TCF7L2: variants seen among roughly 807,000 people sequenced by gnomAD.
TCF7L2 encodes the protein transcription factor 7 like 2.
Under a neutral mutation model 77.9 loss-of-function variants are expected in TCF7L2, and 23 were observed. That is an observed-to-expected ratio of 0.30 (90% CI 0.21 to 0.42). The LOEUF is 0.42. Ranked by LOEUF, TCF7L2 falls within the 10% of genes least tolerant of loss-of-function variation. The pLI, the probability that TCF7L2 is intolerant of heterozygous loss-of-function variation, is 1.00. For missense variants in TCF7L2, 654 were observed against 793.1 expected, an observed-to-expected ratio of 0.82 and a Z score of 2.11; for synonymous variants, 413 against 340.2, an observed-to-expected ratio of 1.21 and a Z score of -2.36.
intron 5 of TCF7L2, among the ~76,000 whole-genome samples, chr10:113,104,566 A>G (rs1031854330): frequency 6.6e-6 from 1 of 152,200 alleles, no homozygotes; most frequent in Non-Finnish European, 1.5e-5. Context: ...TGGTGGTACC[A>G]TAGTGTCATA....
At chr10:112,983,021 T>A (rs536743989) in intron 4 of TCF7L2, among the ~76,000 whole-genome samples, 1 of 152,274 alleles carries the variant, frequency 6.6e-6, no homozygotes, top group East Asian at 1.9e-4. Context: ...GGGGGTGAGA[T>A]GGGACTTATA....
chr10:112,997,582 C>T (rs1321456252), intron 4 of TCF7L2, among the ~76,000 whole-genome samples: 5 of 152,198 alleles, frequency 3.3e-5, no homozygotes, highest in African/African-American at 4.8e-5. Flanking sequence ...GCTGCCTTTT[C>T]GTGAAAGGGT....
At chr10:113,056,582 G>A (rs2134720498) in intron 5 of TCF7L2, among the ~76,000 whole-genome samples, 1 of 152,240 alleles carries the variant, frequency 6.6e-6, no homozygotes, top group South Asian at 2.1e-4. Context: ...TGGGGAGAGG[G>A]GGCAAGAAGT....
At position 113,063,732 on chromosome 10, in the gene TCF7L2, G is replaced by A. The variant is rs528729476; in HGVS notation, c.552+23606G>A. 2.1e-4 allele frequency among the ~76,000 whole-genome samples: 32 copies of A among 152,260 alleles called. No individual in the cohort carries two copies. In the South Asian group the frequency reaches 6.4e-3, roughly 31 times the overall value. On this transcript the variant is annotated intron_variant, in intron 5 of 13. Coordinates refer to ENST00000627217, the MANE Select transcript of TCF7L2 (RefSeq NM_001146274.2). ...CTCTCCCAAGGAGCCGGAGGGTGGAGAAAGCAACAAGAAAAAGGAGCCAAG... is the reference window on the plus strand; with the variant it reads ...CTCTCCCAAGGAGCCGGAGGGTGGAAAAAGCAACAAGAAAAAGGAGCCAAG...
At chr10:113,114,624 ATATAAT>A (rs1486787492) in intron 5 of TCF7L2, among the ~76,000 whole-genome samples, 1 of 152,228 alleles carries the variant, frequency 6.6e-6, no homozygotes, top group Non-Finnish European at 1.5e-5. Context: ...TGACTCATTG[ATATAAT>A]TATACTGTGA....
At chr10:112,961,893 A>ATG (rs112146089) in intron 3 of TCF7L2, among the ~76,000 whole-genome samples, 14,716 of 148,372 alleles carry the variant, frequency 0.099, 1,282 homozygotes, top group African/African-American at 0.23. Context: ...GTGTGCGTGT[A>ATG]TGTGTGTGTG....
intron 5 of TCF7L2, among the ~76,000 whole-genome samples, chr10:113,121,735 TACAC>T (rs975910283): frequency 1.3e-5 from 2 of 150,616 alleles, no homozygotes; most frequent in Admixed American, 6.6e-5. Flanking sequence ...CACGCACACA[TACAC>T]ACAACACACA....
rs1487428472 is a variant in TCF7L2, at chr10:113,166,003, T to C, written c.*31T>C. ...GCGTCGTGAACCCCGCTGCTTTGTT[T>C]ATGGTTTTGTTTCACTTTTCTTAAT... On this transcript the variant is annotated 3_prime_UTR_variant, in exon 14 of 14. Coordinates refer to ENST00000627217, the MANE Select transcript of TCF7L2 (RefSeq NM_001146274.2). 7.0e-7 allele frequency: 1 copy of C among 1,438,318 alleles called. No individual in the cohort carries two copies. The highest frequency in any genetic ancestry group is 9.2e-7 in the Non-Finnish European group (1 of 1,091,764). The allele number at this position is 1,438,318 out of a possible 1,614,324, so 89.1% of individuals were successfully genotyped here. A position where few individuals can be genotyped will look rare whatever the true frequency, so the allele number is the denominator to read the frequency against.
chr10:112,981,838 T>C (rs189494508), intron 4 of TCF7L2, among the ~76,000 whole-genome samples: 39 of 152,358 alleles, frequency 2.6e-4, no homozygotes, highest in Admixed American at 2.4e-3. Context: ...TCACAGCTCT[T>C]ACATTTGGCT....
intron 11 of TCF7L2, among the ~76,000 whole-genome samples, chr10:113,153,147 CAT>C (rs1180085707): frequency 6.6e-6 from 1 of 152,176 alleles, no homozygotes; most frequent in Non-Finnish European, 1.5e-5. Context: ...TAGGAAACAC[CAT>C]GGGATGATTG....
At chr10:112,989,428 T>C (rs1218281283) in intron 4 of TCF7L2, among the ~76,000 whole-genome samples, 2 of 151,928 alleles carry the variant, frequency 1.3e-5, no homozygotes, top group African/African-American at 4.8e-5. Context: ...TTCTATGTCC[T>C]AGAAACTGTC....
intron 5 of TCF7L2, among the ~76,000 whole-genome samples, chr10:113,113,072 A>G (rs1162449808): frequency 6.6e-6 from 1 of 152,062 alleles, no homozygotes; most frequent in East Asian, 1.9e-4. Flanking sequence ...TGTCATATTG[A>G]TGTAGTAGCA....
intron 5 of TCF7L2, among the ~76,000 whole-genome samples, chr10:113,121,482 G>A (rs1314691755): frequency 6.6e-6 from 1 of 152,118 alleles, no homozygotes; most frequent in Non-Finnish European, 1.5e-5. Context: ...TTTTTACTGT[G>A]CTAGTGGCAG....
intron 5 of TCF7L2, among the ~76,000 whole-genome samples, chr10:113,095,210 A>G (rs2060827155): frequency 6.6e-6 from 1 of 152,198 alleles, no homozygotes. Flanking sequence ...TAGTGAAGAG[A>G]GAGTGATTCT....
chr10:113,067,852 G>GTTTTGTTTGT (rs1554999618), intron 5 of TCF7L2, among the ~76,000 whole-genome samples: 5 of 151,620 alleles, frequency 3.3e-5, no homozygotes, highest in Non-Finnish European at 7.4e-5. Flanking sequence ...TGATCTGTGG[G>GTTTTGTTTGT]TTTTGTTTGT....
intron 4 of TCF7L2, among the ~76,000 whole-genome samples, chr10:112,969,427 T>C (rs2037742164): frequency 6.6e-6 from 1 of 152,256 alleles, no homozygotes; most frequent in African/African-American, 2.4e-5. Flanking sequence ...TTTGCGATTA[T>C]GAATAAAGTT....
intron 4 of TCF7L2, among the ~76,000 whole-genome samples, chr10:112,977,834 G>GTTT (rs1171281334): frequency 6.6e-6 from 1 of 152,200 alleles, no homozygotes; most frequent in Non-Finnish European, 1.5e-5. Flanking sequence ...ACTAATGGCG[G>GTTT]GGAAAGGCAG....
At chr10:113,020,061 C>T (rs1400895051) in intron 4 of TCF7L2, among the ~76,000 whole-genome samples, 1 of 152,176 alleles carries the variant, frequency 6.6e-6, no homozygotes, top group Non-Finnish European at 1.5e-5. Context: ...TCTTAAAATA[C>T]TGGAAAGTGC....
At chr10:113,072,290 T>C (rs1361220804) in intron 5 of TCF7L2, among the ~76,000 whole-genome samples, 1 of 95,302 alleles carries the variant, frequency 1.0e-5, no homozygotes, top group Non-Finnish European at 2.2e-5. Flanking sequence ...CTCCTGACCT[T>C]GTGATCCTCC....
Sources: allele counts gnomAD v4.1 joint callset (sites outside exome capture counted in the v4.1 genomes callset), GRCh38; gene constraint gnomAD v4.1.1; transcripts MANE v1.5; gene names NCBI Gene and HGNC (gene_info 2026-07-23, HGNC 2026-07-21).